The following FMR1 variants were observed in gnomAD, a reference collection of about 807,000 sequenced individuals.
FMR1 encodes fragile X messenger ribonucleoprotein 1.
Under a neutral mutation model 50.6 loss-of-function variants are expected in FMR1, and 13 were observed. That is an observed-to-expected ratio of 0.26 (90% CI 0.17 to 0.41). The LOEUF is 0.41. Among genes scored for constraint, FMR1 ranks in the 10% least tolerant of loss-of-function variants. The probability of loss-of-function intolerance (pLI) is 1.00; values close to 1 mark genes in which losing one functional copy is unlikely to be tolerated. For missense variants in FMR1, 316 were observed against 491.3 expected, an observed-to-expected ratio of 0.64 and a Z score of 3.37; for synonymous variants, 138 against 164.1, an observed-to-expected ratio of 0.84 and a Z score of 1.22.
chrX:147,942,720 G>A (rs1290261535), intron 13 of FMR1, among the ~76,000 whole-genome samples: 2 of 112,239 alleles, frequency 1.8e-5, no homozygotes, highest in Non-Finnish European at 3.8e-5. Context: ...TGATTTTTAA[G>A]GTTAGCTGGT....
intron 1 of FMR1, among the ~76,000 whole-genome samples, chrX:147,916,710 G>C (rs782552655): frequency 3.8e-5 from 4 of 105,905 alleles, no homozygotes; most frequent in African/African-American, 1.0e-4. Context: ...TTGTTTCTTT[G>C]GTTTGTTTCT....
intron 15 of FMR1, 91 bp downstream of exon 15, chrX:147,945,142 C>T: frequency 6.2e-6 from 7 of 1,132,427 alleles, no homozygotes; most frequent in Non-Finnish European, 7.1e-6. Context: ...GAACTGTTAC[C>T]AAGATCCCAT....
At chrX:147,936,093 A>G (rs1312870804) in intron 9 of FMR1, among the ~76,000 whole-genome samples, 4 of 112,437 alleles carry the variant, frequency 3.6e-5, no homozygotes, top group Non-Finnish European at 7.5e-5. Flanking sequence ...TGAATAAGTG[A>G]ATATATTTCC....
Position 147,940,562 on chromosome X carries a change from A to G in FMR1, c.1189-14A>G, listed in dbSNP as rs1557180621. ...ATTACTTTTATAGGATCATTGTTGC[A>G]ATTTCTTTTTCAGGGTATGGTACCA... On this transcript the variant is annotated splice_polypyrimidine_tract_variant and intron_variant, in intron 12 of 16. Coordinates refer to ENST00000370475, the MANE Select transcript of FMR1 (RefSeq NM_002024.6). 9.1e-7 allele frequency: 1 copy of G among 1,104,752 alleles called. No homozygotes were observed. The allele number at this position is 1,104,752 out of a possible 1,213,427, so 91.0% of individuals were successfully genotyped here.
intron 16 of FMR1, 56 bp from the exon 17 acceptor site, chrX:147,948,627 A>G (rs2044253982): frequency 1.7e-6 from 2 of 1,208,855 alleles, no homozygotes; most frequent in Non-Finnish European, 1.1e-6. Flanking sequence ...TGTCAGGCCA[A>G]TTACAGATTA....
chrX:147,937,853 A>G (rs2124542489), intron 11 of FMR1, among the ~76,000 whole-genome samples: 1 of 112,350 alleles, frequency 8.9e-6, no homozygotes, highest in South Asian at 3.6e-4. Context: ...TTTTCTTTTG[A>G]CAGTGGACTC....
chrX:147,926,479 GTTCT>G (rs2043391591), intron 3 of FMR1, among the ~76,000 whole-genome samples: 2 of 110,448 alleles, frequency 1.8e-5, no homozygotes, highest in Non-Finnish European at 3.8e-5. Flanking sequence ...CTGTCCTTCA[GTTCT>G]TTATTTATTT....
intron 1 of FMR1, among the ~76,000 whole-genome samples, chrX:147,918,870 T>C (rs781820762): frequency 9.0e-6 from 1 of 110,643 alleles, no homozygotes; most frequent in Admixed American, 9.6e-5. Flanking sequence ...AATTGGAGAC[T>C]GATTTTAATT....
chrX:147,918,955 C>T (rs2043026621), intron 1 of FMR1, among the ~76,000 whole-genome samples: 1 of 111,108 alleles, frequency 9.0e-6, no homozygotes, highest in Admixed American at 9.6e-5. Flanking sequence ...TAGACAAGGG[C>T]AGTAGTCTTG....
chrX:147,934,945 T>C (rs1324919114), intron 9 of FMR1, among the ~76,000 whole-genome samples: 1 of 111,893 alleles, frequency 8.9e-6, no homozygotes, highest in African/African-American at 3.3e-5. Context: ...TTCATTAAAA[T>C]TGGATTCTTC....
chrX:147,940,965 C>T (rs2043981875), intron 13 of FMR1, among the ~76,000 whole-genome samples: 1 of 111,913 alleles, frequency 8.9e-6, no homozygotes, highest in African/African-American at 3.3e-5. Flanking sequence ...TTGATCCTTT[C>T]TAGCATTTTG....
chrX:147,928,954 G>A lies in FMR1; in HGVS notation c.419+147G>A, dbSNP rs969915973. 6 of 571,892 alleles carry A rather than the reference G, an allele frequency of 1.0e-5. No individual in the cohort carries two copies. In the East Asian group the frequency reaches 2.2e-4, roughly 21 times the overall value. The allele number at this position is 571,892 out of a possible 1,213,427, so 47.1% of individuals were successfully genotyped here. A position where few individuals can be genotyped will look rare whatever the true frequency, so the allele number is the denominator to read the frequency against. On this transcript the variant is annotated intron_variant, in intron 5 of 16. Coordinates refer to ENST00000370475, the MANE Select transcript of FMR1 (RefSeq NM_002024.6). ...GGCAAAAATGGTTTGGTTTGCAAGAGCAATGGAGAAAAAACTTATTTAACT... is the reference window on the plus strand; with the variant it reads ...GGCAAAAATGGTTTGGTTTGCAAGAACAATGGAGAAAAAACTTATTTAACT...
intron 2 of FMR1, 43 bp from the exon 3 acceptor site, chrX:147,925,497 C>A (rs781790587): frequency 9.3e-6 from 9 of 968,763 alleles, no homozygotes; most frequent in Admixed American, 2.2e-5. Flanking sequence ...TTCAGTTAAA[C>A]ATGAAAAGCA....
chrX:147,933,473 G>A, intron 9 of FMR1: 1 of 969,585 alleles, frequency 1.0e-6, no homozygotes, highest in Admixed American at 5.7e-5. Context: ...GATGTCTCTG[G>A]GACTTTCTGC....
At chrX:147,944,377 C>G in intron 14 of FMR1, 2 of 754,030 alleles carry the variant, frequency 2.7e-6, no homozygotes, top group Non-Finnish European at 3.1e-6. Context: ...CACAAGAGAC[C>G]CTTCCCTGAA....
chrX:147,939,254 GT>G (rs202080813), intron 12 of FMR1, among the ~76,000 whole-genome samples: 11 of 105,900 alleles, frequency 1.0e-4, no homozygotes, highest in East Asian at 5.9e-4. Context: ...AGAAGTAGTT[GT>G]TTTTTTTTTC....
chrX:147,936,689 T>G, intron 10 of FMR1, 76 bp downstream of exon 10: 1 of 589,911 alleles, frequency 1.7e-6, no homozygotes, highest in South Asian at 2.4e-5. Flanking sequence ...TGAGGACCTC[T>G]AATATGTGCA....
At chrX:147,921,395 A>T (rs1172602936) in intron 1 of FMR1, among the ~76,000 whole-genome samples, 1 of 111,084 alleles carries the variant, frequency 9.0e-6, no homozygotes, top group Non-Finnish European at 1.9e-5. Flanking sequence ...AACTCTAGTA[A>T]CTGGACTTTT....
Position 147,932,537 on chromosome X carries a change from C to T in FMR1, c.743C>T (p.Pro248Leu). Reference protein sequence around the residue: ...GANIQQARKVPGVTAIDLDED... With the variant: ...GANIQQARKVLGVTAIDLDED... ...AATATTCAGCAAGCTAGAAAAGTAC[C>T]TGGGGTCACTGCTATTGATCTAGAT... Residue 248 changes from proline (P) to leucine (L), a missense_variant, in exon 8 of 17, where the codon CCT (proline) becomes CTT (leucine). Around this residue, in one of 4 missense-constraint regions of FMR1, gnomAD observed 124 missense variants for 238.1 expected, o/e 0.52. Transcript: ENST00000370475. 1 of 1,208,289 alleles carries T rather than the reference C, an allele frequency of 8.3e-7. No individual in the cohort carries two copies. Among genetic ancestry groups the T allele is most frequent in the Non-Finnish European group, 1.1e-6 (1 of 892,479 alleles).
Sources: allele counts gnomAD v4.1 joint callset (sites outside exome capture counted in the v4.1 genomes callset), GRCh38; gene constraint gnomAD v4.1.1; regional missense constraint gnomAD v4.1.1; transcripts MANE v1.5; gene names NCBI Gene and HGNC (gene_info 2026-07-23, HGNC 2026-07-21).